Variants in C3orf52 observed in about 807,000 individuals in gnomAD.
C3orf52 encodes TPA-induced transmembrane protein.
In C3orf52, 22 loss-of-function variants were observed where a neutral mutation model predicts 24.8. That is an observed-to-expected ratio of 0.89 (90% CI 0.63 to 1.27). The LOEUF (loss-of-function observed/expected upper bound fraction) is 1.27, where lower values mean the gene tolerates loss of function less well. Among genes scored for constraint, C3orf52 ranks in the 50% most tolerant of loss-of-function variants. C3orf52 has a pLI of 0.00. For missense variants in C3orf52, 265 were observed against 260.7 expected (o/e 1.02, Z -0.11); for synonymous variants, 93 against 100.2 (o/e 0.93, Z 0.43).
At chr3:112,116,149 T>C (rs2074131551) in intron 5 of C3orf52, among the ~76,000 whole-genome samples, 1 of 152,162 alleles carries the variant, frequency 6.6e-6, no homozygotes, top group African/African-American at 2.4e-5. Context: ...TTGTCAGTCC[T>C]GTCAGTGGTG....
intron 2 of C3orf52, among the ~76,000 whole-genome samples, chr3:112,094,126 C>T (rs2073904882): frequency 6.6e-6 from 1 of 152,132 alleles, no homozygotes; most frequent in African/African-American, 2.4e-5. Flanking sequence ...TCCGAAATAG[C>T]TGGAATTATA....
intron 2 of C3orf52, among the ~76,000 whole-genome samples, chr3:112,093,934 G>A (rs2073902520): frequency 6.6e-6 from 1 of 151,888 alleles, no homozygotes; most frequent in Non-Finnish European, 1.5e-5. Flanking sequence ...ATTTGAAAGA[G>A]TTTTAAAAAA....
intron 3 of C3orf52, among the ~76,000 whole-genome samples, chr3:112,107,406 AG>A (rs1276255448): frequency 8.5e-5 from 13 of 152,166 alleles, no homozygotes; most frequent in Admixed American, 8.5e-4. Flanking sequence ...CTAGTTCCCG[AG>A]TTTTCTAAAT....
At chr3:112,093,944 A>T (rs904067362) in intron 2 of C3orf52, among the ~76,000 whole-genome samples, 1 of 152,152 alleles carries the variant, frequency 6.6e-6, no homozygotes, top group Non-Finnish European at 1.5e-5. Flanking sequence ...GTTTTAAAAA[A>T]CTTTGAAGAA....
intron 2 of C3orf52, among the ~76,000 whole-genome samples, chr3:112,098,262 CT>C (rs969409009): frequency 2.0e-5 from 3 of 152,206 alleles, no homozygotes; most frequent in Non-Finnish European, 4.4e-5. Context: ...TGTCTCCTGC[CT>C]TATTGTCAGC....
At chr3:112,119,679 C>T, downstream of C3orf52, 1 of 590,016 alleles carries the variant, frequency 1.7e-6, no homozygotes, top group Non-Finnish European at 3.0e-6. Context: ...CCTCCTTCTC[C>T]TCTCCCATCA....
At chr3:112,089,443 C>T (rs1480966668) in intron 1 of C3orf52, among the ~76,000 whole-genome samples, 1 of 150,092 alleles carries the variant, frequency 6.7e-6, no homozygotes, top group East Asian at 2.0e-4. Flanking sequence ...GCAGGAGACT[C>T]GCTTGAACCT....
chr3:112,123,346 T>G, intron 4 of C3orf52: 1 of 1,520,968 alleles, frequency 6.6e-7, no homozygotes, highest in Non-Finnish European at 8.8e-7. Flanking sequence ...GAAAGGGTTG[T>G]TGTGGGAGAT....
At chr3:112,099,952 AGT>A (rs1467313663) in intron 2 of C3orf52, among the ~76,000 whole-genome samples, 8 of 152,340 alleles carry the variant, frequency 5.3e-5, no homozygotes, top group African/African-American at 1.9e-4. Context: ...CAGAGATTTA[AGT>A]GACTTGCTCA....
intron 3 of C3orf52, among the ~76,000 whole-genome samples, chr3:112,105,023 G>A (rs1047075965): frequency 3.9e-5 from 6 of 152,262 alleles, no homozygotes; most frequent in East Asian, 1.9e-4. Context: ...TATTTCAAAG[G>A]TAAATGAATG....
At chr3:112,122,121 T>C (rs1199254413), downstream of C3orf52, 1 of 152,222 alleles carries the variant, frequency 6.6e-6, no homozygotes, top group Non-Finnish European at 1.5e-5. Context: ...TGATTTAATA[T>C]TTTTATGCCA....
At chr3:112,101,312 G>A (rs183322546) in intron 2 of C3orf52, among the ~76,000 whole-genome samples, 3 of 152,268 alleles carry the variant, frequency 2.0e-5, no homozygotes, top group Admixed American at 2.0e-4. Context: ...CTCTCTCAGT[G>A]GAGTTGCACC....
intron 1 of C3orf52, among the ~76,000 whole-genome samples, chr3:112,091,524 C>A (rs1257200834): frequency 6.6e-6 from 1 of 152,134 alleles, no homozygotes; most frequent in Admixed American, 6.5e-5. Flanking sequence ...CTGCCATGGC[C>A]TCCTCCCACC....
downstream of C3orf52, among the ~76,000 whole-genome samples, chr3:112,132,311 C>G (rs2074475832): frequency 6.6e-6 from 1 of 152,080 alleles, no homozygotes; most frequent in Non-Finnish European, 1.5e-5. Flanking sequence ...CCAGGGATTC[C>G]AAACATAACC....
downstream of C3orf52, chr3:112,130,579 A>AT (rs1576171978): frequency 2.1e-6 from 3 of 1,438,944 alleles, no homozygotes; most frequent in Non-Finnish European, 2.9e-6. Context: ...TCTTTTCATA[A>AT]TTTTTCCGAC....
intron 2 of C3orf52, among the ~76,000 whole-genome samples, chr3:112,099,962 T>C (rs754027037): frequency 6.6e-6 from 1 of 152,212 alleles, no homozygotes; most frequent in South Asian, 2.1e-4. Context: ...AGTGACTTGC[T>C]CAAGGTCACC....
downstream of C3orf52, chr3:112,130,676 G>A (rs1189074643): frequency 1.5e-5 from 10 of 654,080 alleles, no homozygotes; most frequent in East Asian, 2.7e-5. Context: ...AGCACATGTC[G>A]CAAGCTACCT....
chr3:112,100,944 A>G (rs538639464), intron 2 of C3orf52, among the ~76,000 whole-genome samples: 1 of 152,244 alleles, frequency 6.6e-6, no homozygotes, highest in Non-Finnish European at 1.5e-5. Context: ...CCTTAAATAT[A>G]TAATATCAAG....
chr3:112,109,436 G>A, intron 3 of C3orf52, 107 bp from the exon 4 acceptor site: 1 of 552,760 alleles, frequency 1.8e-6, no homozygotes, highest in Non-Finnish European at 3.2e-6. Context: ...TTGATTCCAG[G>A]CTGGAGTGGA....
Sources: allele counts gnomAD v4.1 joint callset (sites outside exome capture counted in the v4.1 genomes callset), GRCh38; gene constraint gnomAD v4.1.1; transcripts MANE v1.5; gene names NCBI Gene and HGNC (gene_info 2026-07-23, HGNC 2026-07-21).